CNTN5: variants seen among roughly 807,000 people sequenced by gnomAD.
CNTN5 encodes contactin 5.
CNTN5 carries 77 observed loss-of-function variants against 129.1 expected under a neutral mutation model. The observed-to-expected ratio is 0.60, with a 90% CI of 0.50 to 0.72. The LOEUF is 0.72. Ranked by LOEUF, CNTN5 falls within the 30% of genes least tolerant of loss-of-function variation. The pLI, the probability that CNTN5 is intolerant of heterozygous loss-of-function variation, is 0.00. For missense variants in CNTN5, 1,478 were observed against 1,328.8 expected, an observed-to-expected ratio of 1.11 and a Z score of -1.75; for synonymous variants, 509 against 465.6, an observed-to-expected ratio of 1.09 and a Z score of -1.20.
chr11:99,882,572 T>G (rs1171527510), intron 6 of CNTN5, among the ~76,000 whole-genome samples: 1 of 152,136 alleles, frequency 6.6e-6, no homozygotes, highest in Non-Finnish European at 1.5e-5. Flanking sequence ...TTTAATTTAA[T>G]TTTTGTGGGT....
chr11:99,255,822 G>A (rs201106613), intron 1 of CNTN5, among the ~76,000 whole-genome samples: 8 of 149,308 alleles, frequency 5.4e-5, no homozygotes, highest in African/African-American at 9.8e-5. Context: ...ACACGCACAC[G>A]CACACACATG....
intron 6 of CNTN5, among the ~76,000 whole-genome samples, chr11:99,867,444 T>C (rs1021147414): frequency 2.0e-5 from 3 of 152,224 alleles, no homozygotes; most frequent in African/African-American, 7.2e-5. Flanking sequence ...GTCATTCCAA[T>C]ACGGGTCTTG....
intron 7 of CNTN5, among the ~76,000 whole-genome samples, chr11:99,921,867 AT>A (rs1442908814): frequency 6.6e-6 from 1 of 152,212 alleles, no homozygotes; most frequent in Non-Finnish European, 1.5e-5. Flanking sequence ...CAGATCAGCT[AT>A]GTAACAAGAA....
In CNTN5 at chr11:100,356,443, T is replaced by C; in HGVS notation, c.*223T>C. Reference sequence around the variant, plus strand: ...AGGACAGTTCTTAGTCCAGTAAAAATATGCAGATTGTATGTAATGAATTTT... The same window carrying C: ...AGGACAGTTCTTAGTCCAGTAAAAACATGCAGATTGTATGTAATGAATTTT... On this transcript the variant is annotated 3_prime_UTR_variant, in exon 25 of 25. Transcript: ENST00000524871. The C allele has an allele frequency of 9.4e-6, 5 of 530,030 alleles. No homozygotes were observed. Among genetic ancestry groups the C allele is most frequent in the South Asian group, 8.3e-5 (3 of 36,342 alleles). The allele number at this position is 530,030 out of a possible 1,614,324, so 32.8% of individuals were successfully genotyped here.
intron 1 of CNTN5, among the ~76,000 whole-genome samples, chr11:99,080,011 A>G (rs1285955716): frequency 6.6e-6 from 1 of 152,200 alleles, no homozygotes; most frequent in African/African-American, 2.4e-5. Flanking sequence ...TTTACATTCC[A>G]CATGTGTAAC....
intron 13 of CNTN5, among the ~76,000 whole-genome samples, chr11:100,176,535 GCC>G (rs2138430183): frequency 6.6e-6 from 1 of 152,048 alleles, no homozygotes; most frequent in African/African-American, 2.4e-5. Context: ...CTATGATGAA[GCC>G]CTGAGGAAGC....
chr11:99,556,087 T>A (rs761862248), intron 2 of CNTN5, 58 bp from the exon 3 acceptor site: 1 of 479,148 alleles, frequency 2.1e-6, no homozygotes, highest in Non-Finnish European at 3.8e-6. Flanking sequence ...TTGTATTTGT[T>A]GGCTTTTCTG....
chr11:99,122,830 G>A (rs1858417003), intron 1 of CNTN5, among the ~76,000 whole-genome samples: 1 of 152,024 alleles, frequency 6.6e-6, no homozygotes, highest in African/African-American at 2.4e-5. Flanking sequence ...GTTTTCTCAG[G>A]ATAATGGTCT....
At chr11:100,344,212 G>A (rs1952228708) in intron 23 of CNTN5, among the ~76,000 whole-genome samples, 1 of 152,058 alleles carries the variant, frequency 6.6e-6, no homozygotes. Context: ...TTAAAATGCA[G>A]GGAATATATA....
chr11:99,084,534 CATGTT>C lies in CNTN5; in HGVS notation c.-210+63270_-210+63274del, dbSNP rs77181476. Among the ~76,000 whole-genome samples, 174 of 152,228 alleles carry C rather than the reference CATGTT, an allele frequency of 1.1e-3. 2 individuals are homozygous for C. In the East Asian group the frequency reaches 0.03, roughly 26 times the overall value. Reference sequence around the variant, plus strand: ...GTACTGTTAAATACTTTTAACTTTACATGTTATGTTTTCAGACTGTTGAGTTGTTT... The same window carrying C: ...GTACTGTTAAATACTTTTAACTTTACATGTTTTCAGACTGTTGAGTTGTTT... On this transcript the variant is annotated intron_variant, in intron 1 of 24. Coordinates refer to ENST00000524871, the MANE Select transcript of CNTN5 (RefSeq NM_014361.4).
At chr11:99,995,661 C>T (rs1196229742) in intron 8 of CNTN5, among the ~76,000 whole-genome samples, 1 of 152,130 alleles carries the variant, frequency 6.6e-6, no homozygotes, top group Non-Finnish European at 1.5e-5. Flanking sequence ...CATCCATGCT[C>T]ATATGGCCAC....
At chr11:99,820,773 C>A (rs1178215923) in intron 4 of CNTN5, among the ~76,000 whole-genome samples, 3 of 152,210 alleles carry the variant, frequency 2.0e-5, no homozygotes, top group Non-Finnish European at 4.4e-5. Flanking sequence ...AATTTTCATT[C>A]ACATCAACAA....
Position 99,418,840 on chromosome 11 carries a change from G to A in CNTN5, c.-71+93356G>A, listed in dbSNP as rs111396652. Among the ~76,000 whole-genome samples the A allele has an allele frequency of 7.6e-4, 115 of 152,226 alleles. 1 individual carries two copies. The highest frequency in any genetic ancestry group is 2.7e-3 in the African/African-American group (111 of 41,564). ...CATGATGCCTCCAAATAAAGTCCATGTCCTACTTTATGTCATACAAGCCTT... is the reference window on the plus strand; with the variant it reads ...CATGATGCCTCCAAATAAAGTCCATATCCTACTTTATGTCATACAAGCCTT... On this transcript the variant is annotated intron_variant, in intron 2 of 24. Transcript: ENST00000524871.
At chr11:99,476,617 C>T (rs944560704) in intron 2 of CNTN5, among the ~76,000 whole-genome samples, 30 of 152,046 alleles carry the variant, frequency 2.0e-4, no homozygotes, top group Admixed American at 1.9e-3. Context: ...TAGCAATAAG[C>T]ATTCATAATT....
intron 1 of CNTN5, among the ~76,000 whole-genome samples, chr11:99,284,728 G>A (rs575408737): frequency 6.6e-6 from 1 of 151,210 alleles, no homozygotes; most frequent in East Asian, 2.0e-4. Flanking sequence ...TTAAATGCTA[G>A]TCTTCCCTAA....
At chr11:99,864,331 C>T (rs1591330933) in intron 6 of CNTN5, among the ~76,000 whole-genome samples, 2 of 152,154 alleles carry the variant, frequency 1.3e-5, no homozygotes, top group Non-Finnish European at 2.9e-5. Flanking sequence ...CCTTTCTGTG[C>T]CTTCTCTTCC....
chr11:100,196,662 CT>C (rs1048765615), intron 15 of CNTN5, among the ~76,000 whole-genome samples: 2 of 151,912 alleles, frequency 1.3e-5, no homozygotes, highest in African/African-American at 4.8e-5. Context: ...GAAAATGCTT[CT>C]ACTATTTATG....
At chr11:99,690,841 CT>C (rs1954011080) in intron 3 of CNTN5, among the ~76,000 whole-genome samples, 1 of 151,574 alleles carries the variant, frequency 6.6e-6, no homozygotes, top group Non-Finnish European at 1.5e-5. Context: ...ATGATAACAA[CT>C]CTTTTTTGTA....
chr11:99,634,562 T>A (rs148291915), intron 3 of CNTN5, among the ~76,000 whole-genome samples: 1 of 152,288 alleles, frequency 6.6e-6, no homozygotes, highest in African/African-American at 2.4e-5. Context: ...TAGTACTTGA[T>A]TCTGTCTATT....
Sources: allele counts gnomAD v4.1 joint callset (sites outside exome capture counted in the v4.1 genomes callset), GRCh38; gene constraint gnomAD v4.1.1; transcripts MANE v1.5; gene names NCBI Gene and HGNC (gene_info 2026-07-23, HGNC 2026-07-21).